Variants in CNOT1 observed in about 807,000 individuals in gnomAD.
CNOT1 encodes CCR4-associated factor 1.
Under a neutral mutation model 273.8 loss-of-function variants are expected in CNOT1, and 15 were observed. That is an observed-to-expected ratio of 0.05 (90% CI 0.04 to 0.08). The LOEUF (loss-of-function observed/expected upper bound fraction) is 0.08. Among genes scored for constraint, CNOT1 ranks in the 10% least tolerant of loss-of-function variants. The pLI is 1.00. For synonymous variants in CNOT1, 1,022 were observed against 1,005.5 expected, an observed-to-expected ratio of 1.02 and a Z score of -0.31; for missense variants, 1,644 against 2,912.2, an observed-to-expected ratio of 0.56 and a Z score of 10.02.
intron 2 of CNOT1, among the ~76,000 whole-genome samples, chr16:58,593,100 CAA>C (rs2042117762): frequency 6.6e-6 from 1 of 152,122 alleles, no homozygotes. Flanking sequence ...AACTGTAAAA[CAA>C]ACAGCAAAAA....
chr16:58,562,533 C>CG (rs958751272), intron 16 of CNOT1, among the ~76,000 whole-genome samples: 15 of 147,330 alleles, frequency 1.0e-4, no homozygotes, highest in South Asian at 6.5e-4. Flanking sequence ...AAAAAAGCGG[C>CG]GGGGGGGCGG....
chr16:58,606,610 C>G (rs1280457115), intron 1 of CNOT1, among the ~76,000 whole-genome samples: 1 of 152,068 alleles, frequency 6.6e-6, no homozygotes, highest in Non-Finnish European at 1.5e-5. Flanking sequence ...CAAGGTCAGC[C>G]TGGCCAACAT....
At chr16:58,622,493 G>A (rs1208299682) in intron 1 of CNOT1, among the ~76,000 whole-genome samples, 2 of 152,094 alleles carry the variant, frequency 1.3e-5, no homozygotes, top group Non-Finnish European at 2.9e-5. Context: ...GCAAAACCTA[G>A]AAGCTATAAA....
At chr16:58,605,605 A>C (rs2042649251) in intron 1 of CNOT1, among the ~76,000 whole-genome samples, 1 of 152,182 alleles carries the variant, frequency 6.6e-6, no homozygotes. Context: ...AAACAACTAT[A>C]ATTCTAAGGA....
chr16:58,530,369 G>A, intron 42 of CNOT1, 22 bp from the exon 43 acceptor site: 2 of 1,573,662 alleles, frequency 1.3e-6, no homozygotes, highest in Non-Finnish European at 1.7e-6. Context: ...AAATGTACAT[G>A]AGTCATAATT....
chr16:58,602,953 C>T (rs2042527806), intron 1 of CNOT1, among the ~76,000 whole-genome samples: 1 of 152,134 alleles, frequency 6.6e-6, no homozygotes, highest in South Asian at 2.1e-4. Context: ...CACTCCCCAT[C>T]TCAGTTGATG....
rs766380627 is a variant in CNOT1, at chr16:58,538,852, C to T, written c.5055G>A (p.Arg1685=). The change falls in exon 36 of 49, where the codon AGG becomes AGA. Residue 1685 remains arginine, a synonymous_variant. Transcript: ENST00000317147. ...GADADLLLRY[R]ECHLLVLKAL... ...CTTTTAGGACCAAGAGGTGGCATTC[C>T]CTGTAGCGCAGCAGAAGGTCAGCAT... is the stretch of plus-strand genomic sequence containing the variant. 3.8e-5 allele frequency: 61 copies of T among 1,610,804 alleles called. No homozygotes were observed. The highest frequency in any genetic ancestry group is 4.7e-5 in the Non-Finnish European group (55 of 1,179,510).
Position 58,528,559 on chromosome 16 carries a change from A to G in CNOT1, c.6369T>C (p.Pro2123=). The G allele has an allele frequency of 6.2e-7, 1 of 1,612,912 alleles. No homozygotes were observed. Among genetic ancestry groups the G allele is most frequent in the Non-Finnish European group, 8.5e-7 (1 of 1,178,856 alleles). The change falls in exon 44 of 49, where the codon CCT becomes CCC. Residue 2123 remains proline (P), a synonymous_variant. Transcript: ENST00000317147. ...YHYGFCDVIP[P]NCIQLRNLIL... ...TCAAATTTCTTAACTGGATACAATT[A>G]GGTGGGATCACATCACAGAACCCAT...
chr16:58,614,363 A>G (rs2043005757), intron 1 of CNOT1, among the ~76,000 whole-genome samples: 1 of 124,682 alleles, frequency 8.0e-6, no homozygotes, highest in Non-Finnish European at 1.9e-5. Context: ...TAAACTGCAC[A>G]AACCAAATGT....
At position 58,537,935 on chromosome 16, in the gene CNOT1, G is replaced by C; in HGVS notation, c.5370C>G (p.Thr1790=). Residue 1790 remains threonine, a synonymous_variant, in exon 38 of 49, where the codon ACC becomes ACG. Transcript: ENST00000317147. ...TEADLFHTIE[T]LMRINAHSRG... ...TGGAATGAGCATTAATCCTCATGAG[G>C]GTTTCAATGGTGTGGAACAGATCTG... is the stretch of plus-strand genomic sequence containing the variant. 6.2e-7 allele frequency: 1 copy of C among 1,614,134 alleles called. No homozygotes were observed.
At chr16:58,599,163 A>G in intron 2 of CNOT1, 73 bp downstream of exon 2, 1 of 1,600,390 alleles carries the variant, frequency 6.2e-7, no homozygotes, top group South Asian at 1.1e-5. Flanking sequence ...ACATGCCCAC[A>G]TAAATGTGTG....
rs540514173 is a variant in CNOT1, at chr16:58,576,639, A to G, written c.1585-57T>C. 4.7e-5 allele frequency: 76 copies of G among 1,605,264 alleles called. 1 individual carries two copies. The South Asian group carries it at 8.4e-4, about 18-fold the overall frequency. On this transcript the variant is annotated intron_variant, in intron 13 of 48. Coordinates refer to ENST00000317147, the MANE Select transcript of CNOT1 (RefSeq NM_016284.5). The stretch of plus-strand genomic sequence containing the variant: ...ACTGCTAAACACTGTGATAGATATT[A>G]TTACAAATGCCCAGTTAATTTTGCT...
chr16:58,561,850 C>T (rs573769726), intron 16 of CNOT1, among the ~76,000 whole-genome samples: 1 of 152,092 alleles, frequency 6.6e-6, no homozygotes, highest in Non-Finnish European at 1.5e-5. Flanking sequence ...TCTGTATTGC[C>T]TCATACAACT....
chr16:58,556,719 A>G, intron 19 of CNOT1, 128 bp downstream of exon 19: 1 of 1,401,778 alleles, frequency 7.1e-7, no homozygotes, highest in Non-Finnish European at 9.3e-7. Flanking sequence ...TAATAATTCA[A>G]ATTTGTGAAT....
chr16:58,585,202 G>T, intron 8 of CNOT1, 136 bp downstream of exon 8: 1 of 1,265,694 alleles, frequency 7.9e-7, no homozygotes, highest in Non-Finnish European at 1.1e-6. Context: ...CTAGTTCGTG[G>T]AAGATTAAAA....
chr16:58,602,362 C>T (rs1319914933), intron 1 of CNOT1, among the ~76,000 whole-genome samples: 2 of 151,938 alleles, frequency 1.3e-5, no homozygotes, highest in Non-Finnish European at 2.9e-5. Flanking sequence ...TGAGCCACCG[C>T]ATCTGGCCTA....
intron 1 of CNOT1, among the ~76,000 whole-genome samples, chr16:58,623,826 C>G (rs1394973408): frequency 6.6e-6 from 1 of 151,750 alleles, no homozygotes; most frequent in Non-Finnish European, 1.5e-5. Flanking sequence ...CCATCTCTAC[C>G]AAAAATATAA....
intron 4 of CNOT1, 148 bp downstream of exon 4, chr16:58,587,632 C>A: frequency 9.1e-7 from 1 of 1,101,234 alleles, no homozygotes; most frequent in Non-Finnish European, 1.3e-6. Flanking sequence ...AATGAACTGC[C>A]TTGATTTTGT....
intron 44 of CNOT1, among the ~76,000 whole-genome samples, chr16:58,526,368 CT>C (rs1045124673): frequency 6.6e-6 from 1 of 151,840 alleles, no homozygotes; most frequent in African/African-American, 2.4e-5. Flanking sequence ...GGCAAGATAC[CT>C]TTTGGGCAAA....
Sources: gnomAD v4.1 joint callset for allele counts (sites outside exome capture counted in the v4.1 genomes callset) on GRCh38, gnomAD v4.1.1 for gene constraint, MANE v1.5 for transcripts, NCBI Gene and HGNC (gene_info 2026-07-23, HGNC 2026-07-21) for gene names.